The following TM7SF3 variants were observed in gnomAD, a reference collection of about 807,000 sequenced individuals.
The protein encoded by TM7SF3 is transmembrane 7 superfamily member 3.
TM7SF3 carries 60 observed loss-of-function variants against 65.5 expected under a neutral mutation model. That is an observed-to-expected ratio of 0.92 (90% CI 0.74 to 1.14). The LOEUF is 1.14. Ranked by LOEUF, TM7SF3 falls within the 50% of genes most tolerant of loss-of-function variation. The pLI, the probability that TM7SF3 is intolerant of heterozygous loss-of-function variation, is 0.00. For missense variants in TM7SF3, 623 were observed against 684.8 expected, an observed-to-expected ratio of 0.91 and a Z score of 1.01; for synonymous variants, 264 against 259.6, an observed-to-expected ratio of 1.02 and a Z score of -0.16.
intron 1 of TM7SF3, among the ~76,000 whole-genome samples, 193 bp from the exon 2 acceptor site, chr12:27,003,583 G>C (rs1940919235): frequency 6.6e-6 from 1 of 152,226 alleles, no homozygotes; most frequent in South Asian, 2.1e-4. Context: ...CATCCAGCCA[G>C]TGAATGGTAG....
chr12:27,002,690 T>C (rs1327319531), intron 2 of TM7SF3, among the ~76,000 whole-genome samples: 2 of 152,118 alleles, frequency 1.3e-5, no homozygotes, highest in Non-Finnish European at 2.9e-5. Flanking sequence ...AAGGCTGAGG[T>C]TGAGGTTAAG....
intron 1 of TM7SF3, among the ~76,000 whole-genome samples, chr12:27,006,979 T>C (rs1020336328): frequency 6.6e-6 from 1 of 152,184 alleles, no homozygotes; most frequent in African/African-American, 2.4e-5. Flanking sequence ...TAAATCTATT[T>C]GAGAGAGTTT....
At chr12:26,992,905 CTTTTTTTTTT>C (rs1202323508) in intron 5 of TM7SF3, among the ~76,000 whole-genome samples, 206 of 110,006 alleles carry the variant, frequency 1.9e-3, no homozygotes, top group African/African-American at 6.9e-3. Flanking sequence ...TCCCTAATGT[CTTTTTTTTTT>C]TTTTTTTTTT....
chr12:26,974,066 T>C lies in TM7SF3; in HGVS notation c.1612A>G (p.Ile538Val), dbSNP rs1392467294. ...VTNILDPSYHIPPLRERLYGR... is the reference protein window; with the variant it reads ...VTNILDPSYHVPPLRERLYGR... ...TAGAGCCTCTCTCTCAATGGAGGAA[T>C]GTGGTAGCTAGGGTCCAGAATGTTT... is the stretch of plus-strand genomic sequence containing the variant. The change falls in exon 12 of 12, where the codon ATT becomes GTT. Residue 538 changes from isoleucine (I) to valine (V), a missense_variant. Coordinates refer to ENST00000343028, the MANE Select transcript of TM7SF3 (RefSeq NM_016551.3). The C allele has an allele frequency of 1.1e-5, 18 of 1,614,054 alleles. No homozygotes were observed. Among genetic ancestry groups the C allele is most frequent in the Non-Finnish European group, 1.5e-5 (18 of 1,180,036 alleles).
intron 9 of TM7SF3, chr12:26,977,971 C>T (rs1282023848): frequency 2.9e-6 from 1 of 348,860 alleles, no homozygotes; most frequent in Non-Finnish European, 5.7e-6. Flanking sequence ...CAGCACACAC[C>T]TGTAGTCCCA....
chr12:27,009,890 T>A (rs1019541250), intron 1 of TM7SF3, among the ~76,000 whole-genome samples: 2 of 152,218 alleles, frequency 1.3e-5, no homozygotes, highest in Non-Finnish European at 2.9e-5. Flanking sequence ...TGTGTGAAAA[T>A]ACTTTGGCAG....
In TM7SF3 at chr12:26,992,580, G is replaced by A. The variant is rs138181008; in HGVS notation, c.691-1953C>T. On this transcript the variant is annotated intron_variant, in intron 5 of 11. Coordinates refer to ENST00000343028, the MANE Select transcript of TM7SF3 (RefSeq NM_016551.3). ...ATTACAGGCGTGAGCCACCATGTCCGGCCCACAAATGCTATTTTATAATAA... is the reference window on the plus strand; with the variant it reads ...ATTACAGGCGTGAGCCACCATGTCCAGCCCACAAATGCTATTTTATAATAA... Among the ~76,000 whole-genome samples the A allele has an allele frequency of 2.2e-3, 334 of 152,230 alleles. 1 individual carries two copies. The highest frequency in any genetic ancestry group is 7.8e-3 in the African/African-American group (324 of 41,556).
At chr12:26,981,306 A>C (rs2136385317) in intron 7 of TM7SF3, among the ~76,000 whole-genome samples, 1 of 152,276 alleles carries the variant, frequency 6.6e-6, no homozygotes, top group South Asian at 2.1e-4. Flanking sequence ...AATTTCAATA[A>C]ATATAAAATG....
chr12:26,977,303 A>T (rs978684634), intron 9 of TM7SF3, among the ~76,000 whole-genome samples: 3 of 152,270 alleles, frequency 2.0e-5, no homozygotes, highest in Non-Finnish European at 4.4e-5. Flanking sequence ...GCTTTCAAGA[A>T]ATCTAAGTAT....
chr12:26,979,423 T>TACAAC lies in TM7SF3; in HGVS notation c.1189+360_1189+361insGTTGT, dbSNP rs1939711958. ...GTTTGGCAGCGGATGGGAGTGGAGG[T>TACAAC]TGAGGGTACAACAGAAGACCAGAAA... On this transcript the variant is annotated intron_variant, in intron 9 of 11. Coordinates refer to ENST00000343028, the MANE Select transcript of TM7SF3 (RefSeq NM_016551.3). 9.5e-5 allele frequency: 19 copies of TACAAC among 199,420 alleles called. No homozygotes were observed. The South Asian group carries it at 1.9e-3, about 20-fold the overall frequency. 12.4% of individuals were successfully genotyped at this position (199,420 alleles called of 1,614,324 possible).
chr12:26,973,938 A>G lies in TM7SF3; in HGVS notation c.*27T>C. 6.2e-7 allele frequency: 1 copy of G among 1,609,124 alleles called. No individual in the cohort carries two copies. The highest frequency in any genetic ancestry group is 8.5e-7 in the Non-Finnish European group (1 of 1,178,360). On this transcript the variant is annotated 3_prime_UTR_variant, in exon 12 of 12. Transcript: ENST00000343028. ...ACTCCAGGCATGAACTCCAAAGCTGAGGCACACTGACCAAGCCCCTGGGCA... is the reference window on the plus strand; with the variant it reads ...ACTCCAGGCATGAACTCCAAAGCTGGGGCACACTGACCAAGCCCCTGGGCA...
rs1940758354 is a variant in TM7SF3 at position 26,999,793 on chromosome 12, AC to A, written c.247-118del. ...TTCCCAAAACAAATAGAAAAAAAAA[AC>A]CTTCCTTAAATAACCAGGGAATTCT... On this transcript the variant is annotated intron_variant, in intron 2 of 11. Coordinates refer to ENST00000343028, the MANE Select transcript of TM7SF3 (RefSeq NM_016551.3). 7 of 1,067,796 alleles carry A rather than the reference AC, an allele frequency of 6.6e-6. No homozygotes were observed. The African/African-American group carries it at 9.6e-5, about 15-fold the overall frequency. The allele number at this position is 1,067,796 out of a possible 1,614,324, so 66.1% of individuals were successfully genotyped here.
At chr12:26,979,733 G>A in intron 9 of TM7SF3, 51 bp downstream of exon 9, 13 of 1,596,576 alleles carry the variant, frequency 8.1e-6, no homozygotes, top group Non-Finnish European at 1.0e-5. Flanking sequence ...CAATTAGGCA[G>A]TATTCAAACA....
chr12:26,979,577 A>T, intron 9 of TM7SF3: 1 of 587,306 alleles, frequency 1.7e-6, no homozygotes, highest in African/African-American at 1.9e-5. Context: ...CTCTAAAGAC[A>T]TTCTATATTT....
At chr12:26,989,252 A>G (rs1940236599) in intron 6 of TM7SF3, among the ~76,000 whole-genome samples, 1 of 152,174 alleles carries the variant, frequency 6.6e-6, no homozygotes, top group Non-Finnish European at 1.5e-5. Flanking sequence ...CCTGGCCAAC[A>G]TGGTGAAACC....
intron 10 of TM7SF3, 125 bp downstream of exon 10, chr12:26,976,135 A>T: frequency 1.4e-6 from 1 of 700,900 alleles, no homozygotes; most frequent in Non-Finnish European, 2.4e-6. Context: ...ATTTAGAATC[A>T]GTCATCTGAT....
At chr12:26,994,155 T>C (rs1160101464) in intron 5 of TM7SF3, among the ~76,000 whole-genome samples, 1 of 152,184 alleles carries the variant, frequency 6.6e-6, no homozygotes, top group Non-Finnish European at 1.5e-5. Context: ...AGTATTAAAA[T>C]GTCATATCTA....
chr12:26,982,738 C>A, intron 7 of TM7SF3, 35 bp downstream of exon 7: 7 of 1,499,764 alleles, frequency 4.7e-6, no homozygotes, highest in Admixed American at 2.0e-5. Context: ...GAAAAGACTG[C>A]AAAATGGAAA....
At position 26,973,954 on chromosome 12, in the gene TM7SF3, C is replaced by A. The variant is rs370595724; in HGVS notation, c.*11G>T. Reference sequence around the variant, plus strand: ...CCAAAGCTGAGGCACACTGACCAAGCCCCTGGGCATCTACAGAAGCAAAGG... The same window carrying A: ...CCAAAGCTGAGGCACACTGACCAAGACCCTGGGCATCTACAGAAGCAAAGG... On this transcript the variant is annotated 3_prime_UTR_variant, in exon 12 of 12. Coordinates refer to ENST00000343028, the MANE Select transcript of TM7SF3 (RefSeq NM_016551.3). 11 of 1,612,652 alleles carry A rather than the reference C, an allele frequency of 6.8e-6. No homozygotes were observed. Among genetic ancestry groups the A allele is most frequent in the African/African-American group, 1.3e-5 (1 of 74,996 alleles).
Sources: allele counts gnomAD v4.1 joint callset (sites outside exome capture counted in the v4.1 genomes callset), GRCh38; gene constraint gnomAD v4.1.1; transcripts MANE v1.5; gene names NCBI Gene and HGNC (gene_info 2026-07-23, HGNC 2026-07-21).